The following USH2A variants were observed in gnomAD, a reference collection of about 807,000 sequenced individuals.
USH2A encodes usherin.
USH2A carries 443 observed loss-of-function variants against 538.9 expected under a neutral mutation model. That is an observed-to-expected ratio of 0.82 (90% CI 0.76 to 0.89). The LOEUF (loss-of-function observed/expected upper bound fraction) is 0.89, where lower values mean the gene tolerates loss of function less well. USH2A is among the 40% of genes least tolerant of loss of function. The probability of loss-of-function intolerance (pLI) is 0.00; values close to 1 mark genes in which losing one functional copy is unlikely to be tolerated. For synonymous variants in USH2A, 2,413 were observed against 2,273.5 expected, an observed-to-expected ratio of 1.06 and a Z score of -1.75; for missense variants, 6,633 against 6,324.8, an observed-to-expected ratio of 1.05 and a Z score of -1.65.
chr1:216,418,643 C>A lies in USH2A; in HGVS notation c.522G>T (p.Val174=), dbSNP rs767250706. 2 of 1,613,210 alleles carry A rather than the reference C, an allele frequency of 1.2e-6. No individual in the cohort carries two copies. Among genetic ancestry groups the A allele is most frequent in the Admixed American group, 1.7e-5 (1 of 59,926 alleles). The change falls in exon 3 of 72, where the codon GTG becomes GTT. Residue 174 remains valine (V), a synonymous_variant. Coordinates refer to ENST00000307340, the MANE Select transcript of USH2A (RefSeq NM_206933.4). ...CTTTCTCAGATATTGTAAGTTTGAA[C>A]ACAATCTGCCCATCTACTGTCTTTT... is the stretch of plus-strand genomic sequence containing the variant. ...VIEKTVDGQI[V]FKLTISEKET...
intron 3 of USH2A, among the ~76,000 whole-genome samples, chr1:216,409,253 A>C (rs902191307): frequency 2.6e-5 from 4 of 152,166 alleles, no homozygotes; most frequent in Non-Finnish European, 5.9e-5. Flanking sequence ...GGTTTGTGTG[A>C]CATTCCATGC....
In USH2A at chr1:216,422,601, A is replaced by T. The variant is rs942510497; in HGVS notation, c.-204-61T>A. ...TGCTGCACCTTTAAAACTGAAGCTC[A>T]TCCCAGGCCTGAGGACTTTGAGCTC... On this transcript the variant is annotated intron_variant, in intron 1 of 71. Coordinates refer to ENST00000307340, the MANE Select transcript of USH2A (RefSeq NM_206933.4). 2.2e-5 allele frequency: 10 copies of T among 449,208 alleles called. No homozygotes were observed. The East Asian group carries it at 4.0e-4, about 18-fold the overall frequency. The allele number at this position is 449,208 out of a possible 1,614,324, so 27.8% of individuals were successfully genotyped here. A position where few individuals can be genotyped will look rare whatever the true frequency, so the allele number is the denominator to read the frequency against.
chr1:215,753,307 C>T (rs1389945630), intron 58 of USH2A, among the ~76,000 whole-genome samples: 2 of 152,110 alleles, frequency 1.3e-5, no homozygotes, highest in South Asian at 2.1e-4. Context: ...CATCCCATTA[C>T]TGGGTATATA....
At chr1:216,337,064 A>G (rs2037988510) in intron 4 of USH2A, among the ~76,000 whole-genome samples, 1 of 151,492 alleles carries the variant, frequency 6.6e-6, no homozygotes, top group East Asian at 1.9e-4. Context: ...TACCAGAAAT[A>G]TTACAACAAA....
chr1:215,771,352 G>A (rs1436629651), intron 55 of USH2A, among the ~76,000 whole-genome samples: 5 of 151,258 alleles, frequency 3.3e-5, no homozygotes, highest in South Asian at 2.1e-4. Context: ...AGGCCGAGGC[G>A]GGCGGATCAC....
intron 48 of USH2A, among the ~76,000 whole-genome samples, chr1:215,814,279 C>T: frequency 6.9e-6 from 1 of 145,264 alleles, no homozygotes; most frequent in Middle Eastern, 3.7e-3. Flanking sequence ...TGTATATATA[C>T]ATAAGATATA....
At chr1:216,177,888 T>A (rs2034421402) in intron 20 of USH2A, among the ~76,000 whole-genome samples, 1 of 152,142 alleles carries the variant, frequency 6.6e-6, no homozygotes. Flanking sequence ...AAGGAACAAA[T>A]GTCATAATCA....
Position 215,772,131 on chromosome 1 carries a change from C to T in USH2A, c.10940-5343G>A, listed in dbSNP as rs150770629. Among the ~76,000 whole-genome samples, 763 of 152,170 alleles carry T rather than the reference C, an allele frequency of 5.0e-3. 9 individuals are homozygous for T. Among genetic ancestry groups the T allele is most frequent in the African/African-American group, 0.017 (690 of 41,512 alleles). On this transcript the variant is annotated intron_variant, in intron 55 of 71. Coordinates refer to ENST00000307340, the MANE Select transcript of USH2A (RefSeq NM_206933.4). ...GCTGTCATTTTAAGTAAGCCTCTAT[C>T]GGTAGTCCTTAAAATGAGATATATA... is the stretch of plus-strand genomic sequence containing the variant.
At chr1:216,188,013 C>T (rs1044985556) in intron 20 of USH2A, among the ~76,000 whole-genome samples, 8 of 151,658 alleles carry the variant, frequency 5.3e-5, no homozygotes, top group African/African-American at 1.7e-4. Context: ...TGACTTTTAG[C>T]GAATATAAGT....
intron 38 of USH2A, among the ~76,000 whole-genome samples, chr1:215,917,305 T>G (rs1665980398): frequency 6.6e-6 from 1 of 152,116 alleles, no homozygotes; most frequent in Admixed American, 6.6e-5. Context: ...AATACGATCA[T>G]ATTCATCCAA....
chr1:216,283,453 G>C lies in USH2A; in HGVS notation c.1971+5827C>G, dbSNP rs147364123. ...AGGATTTTCTATCTATAAGATAATGGCATATGCAAATACAAATAACTTCTC... is the reference window on the plus strand; with the variant it reads ...AGGATTTTCTATCTATAAGATAATGCCATATGCAAATACAAATAACTTCTC... On this transcript the variant is annotated intron_variant, in intron 11 of 71. Transcript: ENST00000307340. 5.0e-3 allele frequency among the ~76,000 whole-genome samples: 755 copies of C among 152,158 alleles called. 7 individuals carry two copies. Among genetic ancestry groups the C allele is most frequent in the African/African-American group, 0.018 (736 of 41,526 alleles).
chr1:215,630,851 AAAAC>A (rs1656259043), intron 70 of USH2A, among the ~76,000 whole-genome samples: 1 of 151,428 alleles, frequency 6.6e-6, no homozygotes, highest in South Asian at 2.1e-4. Flanking sequence ...CTCTGTCTCA[AAAAC>A]AAACAAATTA....
At chr1:215,956,047 CTG>C (rs1191630891) in intron 37 of USH2A, among the ~76,000 whole-genome samples, 2 of 152,114 alleles carry the variant, frequency 1.3e-5, no homozygotes, top group African/African-American at 4.8e-5. Context: ...TTCTATTTCT[CTG>C]TGTAATCCAT....
chr1:216,340,852 A>G (rs973861391), intron 4 of USH2A, among the ~76,000 whole-genome samples: 1 of 152,160 alleles, frequency 6.6e-6, no homozygotes, highest in Non-Finnish European at 1.5e-5. Flanking sequence ...TCTCAAAATA[A>G]TAAGAGCTAT....
chr1:215,753,014 A>G (rs1660672533), intron 58 of USH2A, among the ~76,000 whole-genome samples: 1 of 152,214 alleles, frequency 6.6e-6, no homozygotes. Flanking sequence ...ATGAACAGAC[A>G]CTTCTCAAAA....
At chr1:215,968,547 T>C (rs1298953856) in intron 36 of USH2A, among the ~76,000 whole-genome samples, 1 of 152,200 alleles carries the variant, frequency 6.6e-6, no homozygotes, top group Non-Finnish European at 1.5e-5. Flanking sequence ...TATTTTTTAT[T>C]ATATGAACAA....
intron 11 of USH2A, among the ~76,000 whole-genome samples, chr1:216,284,497 T>C (rs2036844918): frequency 1.3e-5 from 2 of 152,208 alleles, no homozygotes; most frequent in African/African-American, 4.8e-5. Flanking sequence ...GAACTATAAG[T>C]CAATTAACAT....
intron 21 of USH2A, among the ~76,000 whole-genome samples, chr1:216,108,475 A>C (rs764741433): frequency 6.6e-6 from 1 of 151,434 alleles, no homozygotes; most frequent in Non-Finnish European, 1.5e-5. Flanking sequence ...CTTGGAATTC[A>C]TTGAGCTTCT....
chr1:216,342,137 A>C (rs185930215), intron 4 of USH2A, among the ~76,000 whole-genome samples: 252 of 152,310 alleles, frequency 1.7e-3, no homozygotes, highest in African/African-American at 5.6e-3. Flanking sequence ...AAGGAACTTA[A>C]ACAAATGTAC....
Sources: gnomAD v4.1 joint callset for allele counts (sites outside exome capture counted in the v4.1 genomes callset) on GRCh38, gnomAD v4.1.1 for gene constraint, MANE v1.5 for transcripts, NCBI Gene and HGNC (gene_info 2026-07-23, HGNC 2026-07-21) for gene names.